XRCC4: variants seen among roughly 807,000 people sequenced by gnomAD.
XRCC4 encodes the protein X-ray repair cross complementing 4, also known as DNA repair protein XRCC4.
A neutral mutation model predicts 39.1 loss-of-function variants in XRCC4; 28 were observed. That is an observed-to-expected ratio of 0.72 (90% CI 0.53 to 0.98). XRCC4 has a LOEUF of 0.98. Ranked by LOEUF, XRCC4 falls within the 50% of genes least tolerant of loss-of-function variation. XRCC4 has a pLI of 0.00. For synonymous variants in XRCC4, 123 were observed against 126.4 expected, an observed-to-expected ratio of 0.97 and a Z score of 0.18; for missense variants, 350 against 376.4, an observed-to-expected ratio of 0.93 and a Z score of 0.58.
In XRCC4 at chr5:83,203,718, T is replaced by C. The variant is rs775884840; in HGVS notation, c.638+11T>C. The C allele has an allele frequency of 2.5e-6, 4 of 1,607,512 alleles. No individual in the cohort carries two copies. Among genetic ancestry groups the C allele is most frequent in the Non-Finnish European group, 1.7e-6 (2 of 1,177,536 alleles). Reference sequence around the variant, plus strand: ...CATCAAACAAGAAGGGTATTTTCGCTATCTTGTTTTTGGATGACAGATGAA... The same window carrying C: ...CATCAAACAAGAAGGGTATTTTCGCCATCTTGTTTTTGGATGACAGATGAA... On this transcript the variant is annotated intron_variant, in intron 5 of 7. Coordinates refer to ENST00000396027, the MANE Select transcript of XRCC4 (RefSeq NM_003401.5).
intron 3 of XRCC4, among the ~76,000 whole-genome samples, chr5:83,112,933 C>T (rs943623873): frequency 6.6e-6 from 1 of 152,114 alleles, no homozygotes; most frequent in African/African-American, 2.4e-5. Flanking sequence ...CCATATCATT[C>T]CGCCCAGCCC....
intron 2 of XRCC4, among the ~76,000 whole-genome samples, chr5:83,108,382 A>G (rs1347881076): frequency 6.6e-6 from 1 of 151,954 alleles, no homozygotes; most frequent in African/African-American, 2.4e-5. Context: ...GCTGTTTTAC[A>G]TAATTAATTT....
At chr5:83,114,066 G>T (rs1448907850) in intron 3 of XRCC4, among the ~76,000 whole-genome samples, 1 of 152,186 alleles carries the variant, frequency 6.6e-6, no homozygotes, top group African/African-American at 2.4e-5. Flanking sequence ...GGCCCGATCT[G>T]TACCTTTGCC....
At chr5:83,230,543 GTCTT>G (rs961283153) in intron 6 of XRCC4, among the ~76,000 whole-genome samples, 12 of 152,062 alleles carry the variant, frequency 7.9e-5, no homozygotes, top group Middle Eastern at 3.4e-3. Flanking sequence ...TTAACTGACA[GTCTT>G]TCTTTTATGC....
intron 7 of XRCC4, among the ~76,000 whole-genome samples, chr5:83,282,526 G>GA (rs1011524399): frequency 3.3e-4 from 48 of 146,092 alleles, no homozygotes; most frequent in East Asian, 2.2e-3. Context: ...ACTTTGTTTA[G>GA]AAAAAAAAAA....
At chr5:83,133,678 C>A (rs1420404105) in intron 3 of XRCC4, among the ~76,000 whole-genome samples, 2 of 152,216 alleles carry the variant, frequency 1.3e-5, no homozygotes, top group African/African-American at 4.8e-5. Flanking sequence ...GGGCATGGGA[C>A]TCTCCAAGCC....
intron 7 of XRCC4, among the ~76,000 whole-genome samples, chr5:83,292,733 CTTTTTCT>C (rs1222078005): frequency 5.3e-5 from 8 of 151,646 alleles, no homozygotes; most frequent in African/African-American, 1.5e-4. Context: ...TTTTCTTTTT[CTTTTTCT>C]TTTTTAACTT....
intron 1 of XRCC4, among the ~76,000 whole-genome samples, chr5:83,079,074 TATGA>T (rs1315512517): frequency 2.6e-5 from 4 of 152,244 alleles, no homozygotes; most frequent in Admixed American, 6.5e-5. Context: ...AATACTTCTG[TATGA>T]AGCTCTGCTT....
chr5:83,304,992 C>A (rs1225266568), intron 7 of XRCC4, among the ~76,000 whole-genome samples: 1 of 152,072 alleles, frequency 6.6e-6, no homozygotes, highest in East Asian at 1.9e-4. Context: ...TTTTAGTTAC[C>A]TGAGCAAGGT....
chr5:83,108,190 A>C (rs980869537), intron 2 of XRCC4, among the ~76,000 whole-genome samples: 2 of 151,750 alleles, frequency 1.3e-5, no homozygotes, highest in Non-Finnish European at 3.0e-5. Flanking sequence ...CATTGCCTTT[A>C]TTCTTGGTCA....
At chr5:83,210,622 A>G (rs901678768) in intron 6 of XRCC4, among the ~76,000 whole-genome samples, 2 of 151,732 alleles carry the variant, frequency 1.3e-5, no homozygotes, top group Admixed American at 6.6e-5. Context: ...TTTTCTAACA[A>G]TGAGGAAATT....
At chr5:83,122,222 G>A (rs542219911) in intron 3 of XRCC4, among the ~76,000 whole-genome samples, 18 of 152,084 alleles carry the variant, frequency 1.2e-4, no homozygotes, top group Non-Finnish European at 2.4e-4. Context: ...CAAGTCTGCT[G>A]GAATCTTAAT....
chr5:83,234,187 G>T (rs1188469009), intron 6 of XRCC4, among the ~76,000 whole-genome samples: 1 of 152,114 alleles, frequency 6.6e-6, no homozygotes. Context: ...GTCAGGGAAA[G>T]TCTACAATGT....
intron 7 of XRCC4, among the ~76,000 whole-genome samples, chr5:83,273,003 C>T (rs981659530): frequency 3.3e-5 from 5 of 152,186 alleles, no homozygotes; most frequent in Non-Finnish European, 7.3e-5. Flanking sequence ...AATCACCACA[C>T]TGTCTTCCAC....
In XRCC4 at chr5:83,342,408, T is replaced by C. The variant is rs139060177; in HGVS notation, c.894-10723T>C. 3.2e-4 allele frequency among the ~76,000 whole-genome samples: 48 copies of C among 152,284 alleles called. No individual in the cohort carries two copies. In the East Asian group the frequency reaches 7.3e-3, roughly 23 times the overall value. On this transcript the variant is annotated intron_variant, in intron 7 of 7. Coordinates refer to ENST00000396027, the MANE Select transcript of XRCC4 (RefSeq NM_003401.5). ...TTAGATTTCTCATCCTTTCCCAATG[T>C]CTATAAAGCATGTCAATTCATTTTA...
intron 7 of XRCC4, among the ~76,000 whole-genome samples, chr5:83,266,423 G>A (rs529244537): frequency 1.3e-5 from 2 of 151,160 alleles, no homozygotes; most frequent in South Asian, 4.2e-4. Context: ...CATGTTATCT[G>A]AAAAGTATAA....
chr5:83,327,328 C>T (rs990661027), intron 7 of XRCC4, among the ~76,000 whole-genome samples: 7 of 152,044 alleles, frequency 4.6e-5, no homozygotes, highest in African/African-American at 1.7e-4. Context: ...TTTCATGTAG[C>T]ATAATGCCTT....
At chr5:83,296,947 A>G (rs1033460900) in intron 7 of XRCC4, among the ~76,000 whole-genome samples, 1 of 152,004 alleles carries the variant, frequency 6.6e-6, no homozygotes, top group African/African-American at 2.4e-5. Context: ...ATTCGGTGCA[A>G]TCTTACAGAC....
intron 1 of XRCC4, among the ~76,000 whole-genome samples, chr5:83,084,998 A>G (rs935671657): frequency 2.0e-4 from 31 of 152,222 alleles, no homozygotes; most frequent in African/African-American, 5.8e-4. Context: ...TAAGTAATCA[A>G]AAACAAATAT....
Sources: gnomAD v4.1 joint callset for allele counts (sites outside exome capture counted in the v4.1 genomes callset) on GRCh38, gnomAD v4.1.1 for gene constraint, MANE v1.5 for transcripts, NCBI Gene and HGNC (gene_info 2026-07-23, HGNC 2026-07-21) for gene names.